Variants in PARD6G observed in about 807,000 individuals in gnomAD.
PARD6G encodes the protein par-6 family cell polarity regulator gamma.
Under a neutral mutation model 10.7 loss-of-function variants are expected in PARD6G, and 7 were observed. The observed-to-expected ratio is 0.66, with a 90% confidence interval of 0.37 to 1.23. PARD6G has a LOEUF of 1.23. PARD6G is among the 50% of genes most tolerant of loss of function. The pLI is 0.02. For synonymous variants in PARD6G, 287 were observed against 269.4 expected, an observed-to-expected ratio of 1.07 and a Z score of -0.64; for missense variants, 548 against 571.8, an observed-to-expected ratio of 0.96 and a Z score of 0.42.
intron 1 of PARD6G, among the ~76,000 whole-genome samples, chr18:80,226,343 C>G (rs1364867527): frequency 6.6e-6 from 1 of 151,622 alleles, no homozygotes; most frequent in Non-Finnish European, 1.5e-5. Flanking sequence ...GCTAATTTTG[C>G]ATTTTTAGTA....
rs1208644122 is a variant in PARD6G, at chr18:80,184,788, G to A, written c.295+17922C>T. On this transcript the variant is annotated intron_variant, in intron 2 of 2. Coordinates refer to ENST00000353265, the MANE Select transcript of PARD6G (RefSeq NM_032510.4). This position sits in a 1 kb window ranked among gnomAD's most constrained non-coding sequence, Gnocchi z 4.5. ...AGGTTAGAGGTTCCAGGGGCTGGGG[G>A]TTGGGGGAATGGGGAGAGACTACTT... The A allele has an allele frequency of 6.6e-6, 1 of 151,818 alleles. No individual in the cohort carries two copies. The highest frequency in any genetic ancestry group is 1.5e-5 in the Non-Finnish European group (1 of 67,982). The allele number at this position is 151,818 out of a possible 1,614,324, so 9.4% of individuals were successfully genotyped here. A position where few individuals can be genotyped will look rare whatever the true frequency, so the allele number is the denominator to read the frequency against.
In PARD6G at chr18:80,161,691, A is replaced by AGTT. The variant is rs2052701960; in HGVS notation, c.296-1088_296-1086dup. On this transcript the variant is annotated intron_variant, in intron 2 of 2. Transcript: ENST00000353265. The surrounding 1 kb of genome is among the most constrained non-coding windows in gnomAD (Gnocchi z 4.6). ...TGCTCTGTGAGGCTTGGTCCTGTGGAGTTGGTGGCATCCACAGCAGCCTGC... is the reference window on the plus strand; with the variant it reads ...TGCTCTGTGAGGCTTGGTCCTGTGGAGTTGTTGGTGGCATCCACAGCAGCCTGC... 6.6e-6 allele frequency: 1 copy of AGTT among 152,038 alleles called. No homozygotes were observed. Among genetic ancestry groups the AGTT allele is most frequent in the African/African-American group, 2.4e-5 (1 of 41,396 alleles). 9.4% of individuals were successfully genotyped at this position (152,038 alleles called of 1,614,324 possible).
intron 1 of PARD6G, among the ~76,000 whole-genome samples, chr18:80,233,212 G>C (rs1340216532): frequency 1.3e-5 from 2 of 152,210 alleles, no homozygotes; most frequent in African/African-American, 4.8e-5. Context: ...CTCTGACAAA[G>C]GAGAACATTC....
In PARD6G at chr18:80,182,304, G is replaced by T. The variant is rs1031954557; in HGVS notation, c.295+20406C>A. On this transcript the variant is annotated intron_variant, in intron 2 of 2. Coordinates refer to ENST00000353265, the MANE Select transcript of PARD6G (RefSeq NM_032510.4). This position sits in a 1 kb window ranked among gnomAD's most constrained non-coding sequence, Gnocchi z 4.5. ...GAAGGGTGGCAGCTGATGCCTGTGT[G>T]CCTGAAGGCAGCTCCTGCCCCCAGT... Among the ~76,000 whole-genome samples the T allele has an allele frequency of 1.3e-5, 2 of 152,208 alleles. No individual in the cohort carries two copies. The highest frequency in any genetic ancestry group is 4.8e-5 in the African/African-American group (2 of 41,456).
chr18:80,211,358 C>A (rs1368073002), intron 1 of PARD6G, among the ~76,000 whole-genome samples: 1 of 152,162 alleles, frequency 6.6e-6, no homozygotes, highest in African/African-American at 2.4e-5. Context: ...ATTTAAAAGA[C>A]AATGCTGGGA....
rs974983636 is a variant in PARD6G at position 80,157,380 on chromosome 18, G to C, written c.*2391C>G. On this transcript the variant is annotated 3_prime_UTR_variant, in exon 3 of 3. Transcript: ENST00000353265. ...TGTAGAAAAATACACCCAAGCAGCT[G>C]TTCTAAGCAGTAATTCCTAAAATTA... 6.6e-6 allele frequency: 1 copy of C among 152,020 alleles called. No individual in the cohort carries two copies. Among genetic ancestry groups the C allele is most frequent in the East Asian group, 1.9e-4 (1 of 5,188 alleles). The allele number at this position is 152,020 out of a possible 1,614,324, so 9.4% of individuals were successfully genotyped here. A position where few individuals can be genotyped will look rare whatever the true frequency, so the allele number is the denominator to read the frequency against.
intron 1 of PARD6G, among the ~76,000 whole-genome samples, chr18:80,221,961 G>A (rs1229205448): frequency 6.6e-6 from 1 of 151,294 alleles, no homozygotes; most frequent in African/African-American, 2.4e-5. Context: ...GGATAAAACA[G>A]GAATAAACAA....
In PARD6G at chr18:80,247,037, T is replaced by A. The variant is rs529589773; in HGVS notation, c.72+240A>T. On this transcript the variant is annotated intron_variant, in intron 1 of 2. Transcript: ENST00000353265. This position sits in a 1 kb window ranked among gnomAD's most constrained non-coding sequence, Gnocchi z 4.2. Reference sequence around the variant, plus strand: ...GAGCGGGTCCAGAGTCTGCCCGGACTGTCCGATGGCCCTCGGCCCTCTGAG... The same window carrying A: ...GAGCGGGTCCAGAGTCTGCCCGGACAGTCCGATGGCCCTCGGCCCTCTGAG... Among the ~76,000 whole-genome samples the A allele has an allele frequency of 2.0e-5, 3 of 152,188 alleles. No homozygotes were observed. The South Asian group carries it at 6.2e-4, about 32-fold the overall frequency.
chr18:80,186,044 A>G (rs936934426), intron 2 of PARD6G, among the ~76,000 whole-genome samples: 4 of 132,384 alleles, frequency 3.0e-5, no homozygotes, highest in African/African-American at 8.8e-5. Context: ...ATGCTCGCAC[A>G]CCCTCACACG....
intron 2 of PARD6G, among the ~76,000 whole-genome samples, chr18:80,172,759 C>A (rs992081054): frequency 2.6e-5 from 4 of 152,200 alleles, no homozygotes; most frequent in Non-Finnish European, 5.9e-5. Context: ...ACATGACTTA[C>A]AAATGCTTTT....
chr18:80,205,782 GTCTT>G (rs1967048623), intron 1 of PARD6G, among the ~76,000 whole-genome samples: 1 of 152,166 alleles, frequency 6.6e-6, no homozygotes, highest in Admixed American at 6.5e-5. Context: ...CCAGTCTGTA[GTCTT>G]TCTTTACAGC....
rs533915540 is a variant in PARD6G, at chr18:80,231,306, G to C, written c.72+15971C>G. Among the ~76,000 whole-genome samples the C allele has an allele frequency of 2.0e-4, 31 of 152,360 alleles. 1 individual carries two copies. Among genetic ancestry groups the C allele is most frequent in the Admixed American group, 6.5e-4 (10 of 15,306 alleles). ...TGCGCATCTGTCCCTGCCTTCATAA[G>C]ACTTTCCTGAAAGGTAAATTCACTT... On this transcript the variant is annotated intron_variant, in intron 1 of 2. Coordinates refer to ENST00000353265, the MANE Select transcript of PARD6G (RefSeq NM_032510.4). The surrounding 1 kb of genome is among the most constrained non-coding windows in gnomAD (Gnocchi z 4.2).
chr18:80,240,954 T>C (rs971567279), intron 1 of PARD6G, among the ~76,000 whole-genome samples: 3 of 152,214 alleles, frequency 2.0e-5, no homozygotes, highest in African/African-American at 7.2e-5. Flanking sequence ...CACAAAGTAG[T>C]TGCTCAGTAA....
intron 1 of PARD6G, among the ~76,000 whole-genome samples, chr18:80,236,788 C>T (rs1180822174): frequency 6.6e-6 from 1 of 152,130 alleles, no homozygotes; most frequent in South Asian, 2.1e-4. Flanking sequence ...AACCAACTTA[C>T]AAGGGATGTG....
At chr18:80,217,001 C>T (rs1198397816) in intron 1 of PARD6G, among the ~76,000 whole-genome samples, 1 of 152,038 alleles carries the variant, frequency 6.6e-6, no homozygotes, top group Non-Finnish European at 1.5e-5. Context: ...TGCAAGGAAC[C>T]AAGACTCCTT....
rs368711793 is a variant in PARD6G at position 80,183,067 on chromosome 18, C to T, written c.295+19643G>A. ...CCATCCATTCTCTACCATGGCATGC[C>T]GACAACAGGGGCACAGAGAAGTCCC... is the stretch of plus-strand genomic sequence containing the variant. On this transcript the variant is annotated intron_variant, in intron 2 of 2. Coordinates refer to ENST00000353265, the MANE Select transcript of PARD6G (RefSeq NM_032510.4). The surrounding 1 kb of genome is among the most constrained non-coding windows in gnomAD (Gnocchi z 4.5). 4.3e-5 allele frequency: 30 copies of T among 702,386 alleles called. No homozygotes were observed. The Middle Eastern group carries it at 4.4e-3, about 102-fold the overall frequency. 43.5% of individuals were successfully genotyped at this position (702,386 alleles called of 1,614,324 possible). A position where few individuals can be genotyped will look rare whatever the true frequency, so the allele number is the denominator to read the frequency against.
chr18:80,195,419 A>G (rs1242659872), intron 2 of PARD6G, among the ~76,000 whole-genome samples: 1 of 151,406 alleles, frequency 6.6e-6, no homozygotes, highest in Non-Finnish European at 1.5e-5. Flanking sequence ...CCTCGGTGCT[A>G]TTCCGGCAGG....
chr18:80,204,950 TTAATAA>T (rs570635258), intron 1 of PARD6G, among the ~76,000 whole-genome samples: 4 of 151,740 alleles, frequency 2.6e-5, no homozygotes, highest in Non-Finnish European at 5.9e-5. Flanking sequence ...AGACTCAGTC[TTAATAA>T]TAATAATAAT....
intron 2 of PARD6G, among the ~76,000 whole-genome samples, chr18:80,197,179 C>T (rs912536369): frequency 2.6e-5 from 4 of 152,204 alleles, no homozygotes; most frequent in Non-Finnish European, 5.9e-5. Context: ...GACGGCTTAA[C>T]TGAGGGCTTC....
Sources: allele counts gnomAD v4.1 joint callset (sites outside exome capture counted in the v4.1 genomes callset), GRCh38; gene constraint gnomAD v4.1.1; non-coding constraint Gnocchi (gnomAD v3.1); transcripts MANE v1.5; gene names NCBI Gene and HGNC (gene_info 2026-07-23, HGNC 2026-07-21).